Variants in TAPT1 observed in about 807,000 individuals in gnomAD.
TAPT1 encodes transmembrane anterior posterior transformation 1.
TAPT1 carries 28 observed loss-of-function variants against 65.6 expected under a neutral mutation model. The observed-to-expected ratio is 0.43, with a 90% CI of 0.32 to 0.59. The LOEUF (loss-of-function observed/expected upper bound fraction) is 0.59, where lower values mean the gene tolerates loss of function less well. Among genes scored for constraint, TAPT1 ranks in the 20% least tolerant of loss-of-function variants. TAPT1 has a pLI of 0.09. For synonymous variants in TAPT1, 278 were observed against 245.2 expected (o/e 1.13, Z -1.25); for missense variants, 563 against 679.9 (o/e 0.83, Z 1.91).
At chr4:16,223,829 G>A (rs184598695) in intron 1 of TAPT1, among the ~76,000 whole-genome samples, 2 of 152,276 alleles carry the variant, frequency 1.3e-5, no homozygotes, top group Admixed American at 6.5e-5. Context: ...GATGGAAAGA[G>A]TTTGGATAAG....
intron 7 of TAPT1, chr4:16,183,164 C>A (rs1047292310): frequency 6.6e-6 from 1 of 152,072 alleles, no homozygotes; most frequent in Non-Finnish European, 1.5e-5. Context: ...AATAGCTGAA[C>A]GTTGCCTAGA....
chr4:16,216,519 A>C (rs9995025), intron 1 of TAPT1, among the ~76,000 whole-genome samples: 64,950 of 151,794 alleles, frequency 0.43, 14,428 homozygotes, highest in African/African-American at 0.55. Context: ...AAATTACCTA[A>C]AAAACGAAAC....
At chr4:16,166,385 CCCCACT>C (rs1560680809) in intron 13 of TAPT1, among the ~76,000 whole-genome samples, 2 of 152,262 alleles carry the variant, frequency 1.3e-5, no homozygotes, top group African/African-American at 4.8e-5. Flanking sequence ...TGCCTTTCCA[CCCCACT>C]GCTGTATCCA....
At chr4:16,198,201 C>T (rs1307833294) in intron 3 of TAPT1, among the ~76,000 whole-genome samples, 1 of 152,090 alleles carries the variant, frequency 6.6e-6, no homozygotes, top group Non-Finnish European at 1.5e-5. Flanking sequence ...AAGTCAAAAA[C>T]CATGGCAAGT....
At position 16,182,021 on chromosome 4, in the gene TAPT1, A is replaced by G. The variant is rs547763732; in HGVS notation, c.917-2364T>C. On this transcript the variant is annotated intron_variant, in intron 7 of 13. Transcript: ENST00000405303. ...AAGTGACACCATAAAAATTAACTCT[A>G]TCTTTATTTGATAAGATAAAGATAC... Among the ~76,000 whole-genome samples the G allele has an allele frequency of 2.0e-5, 3 of 152,348 alleles. No homozygotes were observed. In the East Asian group the frequency reaches 5.8e-4, roughly 29 times the overall value.
At chr4:16,224,744 G>C (rs1427771290) in intron 1 of TAPT1, among the ~76,000 whole-genome samples, 3 of 152,180 alleles carry the variant, frequency 2.0e-5, no homozygotes, top group Admixed American at 2.0e-4. Context: ...GTGGTATAAT[G>C]AAGTCCATGG....
intron 1 of TAPT1, among the ~76,000 whole-genome samples, chr4:16,223,018 C>T (rs1751344395): frequency 6.6e-6 from 1 of 152,168 alleles, no homozygotes; most frequent in East Asian, 1.9e-4. Flanking sequence ...CTCACAGGTG[C>T]TACCCTTATT....
At chr4:16,166,601 T>G (rs745843987) in intron 13 of TAPT1, 32 bp downstream of exon 13, 1 of 1,606,596 alleles carries the variant, frequency 6.2e-7, no homozygotes, top group Admixed American at 1.7e-5. Context: ...TTGAAAATGA[T>G]CCAGGGAAGT....
upstream of TAPT1, chr4:16,226,496 A>C: frequency 9.7e-7 from 1 of 1,026,004 alleles, no homozygotes; most frequent in African/African-American, 1.8e-5. Context: ...GCCTCCCTCC[A>C]GCCTCTGCCT....
At chr4:16,200,124 G>A (rs1012670726) in intron 3 of TAPT1, among the ~76,000 whole-genome samples, 14 of 152,084 alleles carry the variant, frequency 9.2e-5, no homozygotes, top group African/African-American at 3.1e-4. Flanking sequence ...CACTCCAGAA[G>A]GAATACAGTC....
chr4:16,213,934 A>C, intron 1 of TAPT1, 36 bp from the exon 2 acceptor site: 1 of 1,566,962 alleles, frequency 6.4e-7, no homozygotes, highest in South Asian at 1.2e-5. Flanking sequence ...CAAAAAGAAC[A>C]GTATTTATCA....
intron 1 of TAPT1, 52 bp downstream of exon 1, chr4:16,226,207 G>A (rs1751548826): frequency 2.7e-6 from 3 of 1,092,532 alleles, no homozygotes; most frequent in Non-Finnish European, 3.3e-6. Flanking sequence ...GCCGCCCTCG[G>A]TCCCCAGTCC....
At chr4:16,184,488 C>G (rs1050950008) in intron 7 of TAPT1, among the ~76,000 whole-genome samples, 2 of 152,108 alleles carry the variant, frequency 1.3e-5, no homozygotes, top group African/African-American at 2.4e-5. Flanking sequence ...GCAACAAGTC[C>G]TACTGAGGAA....
chr4:16,191,363 C>G lies in TAPT1; in HGVS notation c.610G>C (p.Glu204Gln). ...IKLYIIYNML[E>Q]VADRLFSSFG... ...TGCGGGGTAAGCAAGGCCCTTACCT[C>G]CAGCATGTTGTAGATGATGTAGAGC... Residue 204 changes from glutamate (E) to glutamine (Q), a missense_variant and splice_region_variant, in exon 4 of 14, where the codon GAG (glutamate) becomes CAG (glutamine). Physicochemically the swap from Glu to Gln is conservative, Grantham distance 29. Transcript: ENST00000405303. 1 of 1,598,892 alleles carries G rather than the reference C, an allele frequency of 6.3e-7. No individual in the cohort carries two copies. The highest frequency in any genetic ancestry group is 1.1e-5 in the South Asian group (1 of 87,776).
upstream of TAPT1, chr4:16,226,704 C>A (rs1751598549): frequency 6.4e-6 from 1 of 155,892 alleles, no homozygotes; most frequent in Admixed American, 6.7e-5. Flanking sequence ...CGGTTTCTCG[C>A]GCCGTGGCTG....
intron 2 of TAPT1, among the ~76,000 whole-genome samples, chr4:16,204,109 C>T (rs1337893779): frequency 1.3e-5 from 2 of 152,208 alleles, no homozygotes; most frequent in African/African-American, 4.8e-5. Flanking sequence ...CTATTACTCT[C>T]CTATCACTGA....
chr4:16,226,281 C>T lies in TAPT1; in HGVS notation c.177G>A (p.Arg59=), dbSNP rs1195522874. 14 of 1,127,122 alleles carry T rather than the reference C, an allele frequency of 1.2e-5. No individual in the cohort carries two copies. Among genetic ancestry groups the T allele is most frequent in the Non-Finnish European group, 1.5e-5 (14 of 921,588 alleles). 69.8% of individuals were successfully genotyped at this position (1,127,122 alleles called of 1,614,324 possible). A position where few individuals can be genotyped will look rare whatever the true frequency, so the allele number is the denominator to read the frequency against. ...CACCTGTGCGGCCCCGGCGCCTCTC[C>T]CGCCGCCGGTCGCTCTCGTAGAAGC... ...TLGFYESDRR[R]ERRRGRTELS... The change falls in exon 1 of 14, where the codon CGG becomes CGA. Residue 59 remains arginine, a synonymous_variant. Transcript: ENST00000405303.
intron 3 of TAPT1, among the ~76,000 whole-genome samples, chr4:16,201,409 C>T (rs1019570098): frequency 1.3e-5 from 2 of 152,112 alleles, no homozygotes; most frequent in African/African-American, 4.8e-5. Flanking sequence ...CACCATAGTT[C>T]AATGAAGTCT....
At chr4:16,176,297 G>A (rs1748319970) in intron 8 of TAPT1, 69 bp from the exon 9 acceptor site, 6 of 738,104 alleles carry the variant, frequency 8.1e-6, no homozygotes, top group Non-Finnish European at 2.2e-6. Flanking sequence ...CAGGCTACCA[G>A]AGAAATATGA....
Sources: gnomAD v4.1 joint callset for allele counts (sites outside exome capture counted in the v4.1 genomes callset) on GRCh38, gnomAD v4.1.1 for gene constraint, MANE v1.5 for transcripts, NCBI Gene and HGNC (gene_info 2026-07-23, HGNC 2026-07-21) for gene names.